The following HSPA12A variants were observed in gnomAD, a reference collection of about 807,000 sequenced individuals.
HSPA12A encodes the protein heat shock protein family A (Hsp70) member 12A, also known as heat shock 70 kDa protein 12A.
HSPA12A carries 28 observed loss-of-function variants against 69.2 expected under a neutral mutation model. The observed-to-expected ratio is 0.40, with a 90% CI of 0.30 to 0.55. The LOEUF is 0.55. Ranked by LOEUF, HSPA12A falls within the 20% of genes least tolerant of loss-of-function variation. HSPA12A has a pLI of 0.38. For synonymous variants in HSPA12A, 345 were observed against 370.5 expected, an observed-to-expected ratio of 0.93 and a Z score of 0.79; for missense variants, 686 against 900.7, an observed-to-expected ratio of 0.76 and a Z score of 3.05.
chr10:116,807,240 A>AT (rs1242715768), intron 2 of HSPA12A, among the ~76,000 whole-genome samples: 1 of 151,924 alleles, frequency 6.6e-6, no homozygotes, highest in African/African-American at 2.4e-5. Context: ...GAGGCCAGAC[A>AT]TGAAATCTCT....
At position 116,710,063 on chromosome 10, in the gene HSPA12A, C is replaced by T. The variant is rs542095567; in HGVS notation, c.41-2778G>A. Among the ~76,000 whole-genome samples the T allele has an allele frequency of 2.6e-5, 4 of 152,302 alleles. No individual in the cohort carries two copies. The highest frequency in any genetic ancestry group is 9.6e-5 in the African/African-American group (4 of 41,568). On this transcript the variant is annotated intron_variant, in intron 1 of 11. Transcript: ENST00000369209. The surrounding 1 kb of genome is among the most constrained non-coding windows in gnomAD (Gnocchi z 4.1). ...ATCTCCACCATCTTTGCTAATCTCC[C>T]AGCACAAGGGAACCCCTTCCATGAA...
chr10:116,793,620 C>G (rs1026145030), intron 2 of HSPA12A, among the ~76,000 whole-genome samples: 1 of 151,864 alleles, frequency 6.6e-6, no homozygotes, highest in Admixed American at 6.6e-5. Flanking sequence ...TAAAAGACAT[C>G]ACAACAATGG....
In HSPA12A at chr10:116,803,778, T is replaced by C. The variant is rs187242010; in HGVS notation, c.91+31157A>G. On this transcript the variant is annotated intron_variant, in intron 2 of 12. Transcript: ENST00000635765. ...ATGTGAGCTTGACGAAGGGTGTAAA[T>C]ACCAAGTCTCCCTTCCCGTCTTCTC... Among the ~76,000 whole-genome samples the C allele has an allele frequency of 3.9e-5, 6 of 152,332 alleles. No homozygotes were observed. In the East Asian group the frequency reaches 5.8e-4, roughly 15 times the overall value.
intron 2 of HSPA12A, among the ~76,000 whole-genome samples, chr10:116,751,771 G>C (rs1202550708): frequency 6.6e-6 from 1 of 152,136 alleles, no homozygotes; most frequent in Non-Finnish European, 1.5e-5. Context: ...AAGGGGACAG[G>C]TCCCTCATAA....
At chr10:116,777,724 A>G (rs1665661) in intron 2 of HSPA12A, among the ~76,000 whole-genome samples, 142,911 of 152,298 alleles carry the variant, frequency 0.94, 67,614 homozygotes, top group Non-Finnish European at 1. Flanking sequence ...ACAATTAGAA[A>G]ATGCTGAGTT....
chr10:116,725,931 C>T (rs376808878), intron 1 of HSPA12A, among the ~76,000 whole-genome samples: 2 of 151,996 alleles, frequency 1.3e-5, no homozygotes, highest in East Asian at 1.9e-4. Flanking sequence ...CCTCTACCGG[C>T]ATAGGACTCC....
At chr10:116,728,834 AC>A (rs1320412369) in intron 1 of HSPA12A, among the ~76,000 whole-genome samples, 1 of 152,120 alleles carries the variant, frequency 6.6e-6, no homozygotes, top group African/African-American at 2.4e-5. Flanking sequence ...CATGAGTAAG[AC>A]TCCCTGATGG....
intron 2 of HSPA12A, among the ~76,000 whole-genome samples, chr10:116,768,108 T>G (rs925219175): frequency 2.0e-5 from 3 of 152,144 alleles, no homozygotes; most frequent in African/African-American, 7.2e-5. Flanking sequence ...AACCCAAGCA[T>G]CCATCCACGG....
chr10:116,688,752 A>G (rs2921967), intron 6 of HSPA12A, among the ~76,000 whole-genome samples: 79,290 of 152,106 alleles, frequency 0.52, 21,057 homozygotes, highest in Middle Eastern at 0.66. Context: ...TGAGAGGATC[A>G]TACATATGGG....
intron 2 of HSPA12A, chr10:116,750,557 A>G (rs1481181985): frequency 2.7e-6 from 1 of 374,996 alleles, no homozygotes; most frequent in Non-Finnish European, 5.1e-6. Flanking sequence ...AGATGCTTAC[A>G]AAAAACAGTC....
At chr10:116,745,131 G>T (rs376894339), upstream of HSPA12A, among the ~76,000 whole-genome samples, 1 of 152,270 alleles carries the variant, frequency 6.6e-6, no homozygotes, top group Non-Finnish European at 1.5e-5. Flanking sequence ...CTGCTGCCTC[G>T]CCCCCACTGG....
chr10:116,754,944 C>T (rs1843800313), intron 2 of HSPA12A, among the ~76,000 whole-genome samples: 1 of 152,098 alleles, frequency 6.6e-6, no homozygotes, highest in Non-Finnish European at 1.5e-5. Context: ...AAGAAAACAA[C>T]TATATTTATC....
intron 1 of HSPA12A, among the ~76,000 whole-genome samples, chr10:116,722,361 G>A (rs564358616): frequency 3.9e-5 from 6 of 152,274 alleles, no homozygotes; most frequent in East Asian, 1.9e-4. Flanking sequence ...GTGGGAGCTC[G>A]TGCTAGGGAC....
intron 6 of HSPA12A, among the ~76,000 whole-genome samples, chr10:116,687,498 A>C (rs1849609531): frequency 2.0e-5 from 3 of 152,218 alleles, no homozygotes; most frequent in South Asian, 2.1e-4. Flanking sequence ...CGGACTCTGC[A>C]CAAATTCAAC....
intron 2 of HSPA12A, among the ~76,000 whole-genome samples, chr10:116,755,484 T>G (rs1385324032): frequency 1.3e-5 from 2 of 151,564 alleles, no homozygotes; most frequent in Non-Finnish European, 2.9e-5. Flanking sequence ...TGGTGCTGCA[T>G]GCCTGTAGTC....
chr10:116,744,471 G>A (rs1034136425), upstream of HSPA12A, among the ~76,000 whole-genome samples: 1 of 152,230 alleles, frequency 6.6e-6, no homozygotes, highest in East Asian at 1.9e-4. Context: ...GCCTCCTGCT[G>A]TGGAAGGGCC....
Position 116,674,610 on chromosome 10 carries a change from A to G in HSPA12A, c.*171T>C. ...TCTTAATTTCTGTTTTTCTGACTCCAGTGTGCCCTCAAAAGTCACTAATTA... is the reference window on the plus strand; with the variant it reads ...TCTTAATTTCTGTTTTTCTGACTCCGGTGTGCCCTCAAAAGTCACTAATTA... On this transcript the variant is annotated 3_prime_UTR_variant, in exon 12 of 12. Coordinates refer to ENST00000369209, the MANE Select transcript of HSPA12A (RefSeq NM_025015.3). The G allele has an allele frequency of 6.1e-6, 4 of 658,374 alleles. No individual in the cohort carries two copies. The South Asian group carries it at 8.0e-5, about 13-fold the overall frequency. The allele number at this position is 658,374 out of a possible 1,614,324, so 40.8% of individuals were successfully genotyped here.
chr10:116,762,604 G>C (rs1373333025), intron 2 of HSPA12A, among the ~76,000 whole-genome samples: 4 of 151,816 alleles, frequency 2.6e-5, no homozygotes, highest in Non-Finnish European at 5.9e-5. Context: ...ATTTTTTTGA[G>C]ACAGAGTTTC....
At chr10:116,761,589 A>C (rs1171389265) in intron 2 of HSPA12A, among the ~76,000 whole-genome samples, 2 of 152,138 alleles carry the variant, frequency 1.3e-5, no homozygotes, top group African/African-American at 2.4e-5. Context: ...TAAAAAAAAA[A>C]ACGAAGAAAT....
Sources: gnomAD v4.1 joint callset for allele counts (sites outside exome capture counted in the v4.1 genomes callset) on GRCh38, gnomAD v4.1.1 for gene constraint, Gnocchi (gnomAD v3.1) non-coding constraint, MANE v1.5 for transcripts, NCBI Gene and HGNC (gene_info 2026-07-23, HGNC 2026-07-21) for gene names.